Variants in GALNTL6 observed in about 807,000 individuals in gnomAD.
GALNTL6 encodes polypeptide N-acetylgalactosaminyltransferase-like 6.
Under a neutral mutation model 73.7 loss-of-function variants are expected in GALNTL6, and 46 were observed. The observed-to-expected ratio is 0.62, with a 90% CI of 0.49 to 0.80. The LOEUF is 0.80. GALNTL6 is among the 30% of genes least tolerant of loss of function. The pLI, the probability that GALNTL6 is intolerant of heterozygous loss-of-function variation, is 0.00. For missense variants in GALNTL6, 604 were observed against 755.0 expected (o/e 0.80, Z 2.34); for synonymous variants, 259 against 263.7 (o/e 0.98, Z 0.17).
intron 2 of GALNTL6, among the ~76,000 whole-genome samples, chr4:172,042,864 T>TTAAA (rs1331460366): frequency 2.3e-5 from 1 of 44,400 alleles, no homozygotes; most frequent in Non-Finnish European, 3.9e-5. Flanking sequence ...TCTTTAACAG[T>TTAAA]AAAAAAAAAA....
At chr4:172,368,660 C>G (rs1013595607) in intron 5 of GALNTL6, among the ~76,000 whole-genome samples, 1 of 151,898 alleles carries the variant, frequency 6.6e-6, no homozygotes, top group African/African-American at 2.4e-5. Context: ...CGGACCCTTG[C>G]AGTGAGTGTT....
chr4:172,574,935 CACAT>C (rs1163011116), intron 5 of GALNTL6, among the ~76,000 whole-genome samples: 6 of 33,992 alleles, frequency 1.8e-4, no homozygotes, highest in Non-Finnish European at 2.8e-4. Context: ...TACACACGCA[CACAT>C]ACACACACAC....
rs551394777 is a variant in GALNTL6, at chr4:171,830,848, C to A, written c.138+16130C>A. Among the ~76,000 whole-genome samples, 365 of 152,174 alleles carry A rather than the reference C, an allele frequency of 2.4e-3. 1 individual carries two copies. Among genetic ancestry groups the A allele is most frequent in the Non-Finnish European group, 4.1e-3 (279 of 67,978 alleles). ...ATAACCATTGAATTTGCTCTTTCTT[C>A]AATTATGCAATTTCTGTTGTATAAC... On this transcript the variant is annotated intron_variant, in intron 2 of 12. Transcript: ENST00000506823.
At chr4:171,971,959 G>T (rs1290325695) in intron 2 of GALNTL6, among the ~76,000 whole-genome samples, 2 of 152,032 alleles carry the variant, frequency 1.3e-5, no homozygotes. Context: ...CATGTCTGAG[G>T]CTTTAGGGGA....
chr4:172,140,000 C>CT (rs10569662), intron 2 of GALNTL6, among the ~76,000 whole-genome samples: 1,807 of 149,144 alleles, frequency 0.012, 36 homozygotes, highest in African/African-American at 0.041. Flanking sequence ...TTTAAATAGT[C>CT]TTTTTTTTTT....
intron 10 of GALNTL6, among the ~76,000 whole-genome samples, chr4:172,984,547 G>T (rs1432669714): frequency 6.6e-6 from 1 of 152,168 alleles, no homozygotes; most frequent in East Asian, 1.9e-4. Context: ...CTTCTGGAGA[G>T]TTCATAACTT....
intron 10 of GALNTL6, among the ~76,000 whole-genome samples, chr4:172,983,860 G>A (rs1283668675): frequency 2.6e-5 from 4 of 151,892 alleles, no homozygotes; most frequent in Non-Finnish European, 5.9e-5. Flanking sequence ...ACACAATGCC[G>A]AAGCTTATAA....
At chr4:172,470,022 A>G (rs1732987749) in intron 5 of GALNTL6, among the ~76,000 whole-genome samples, 1 of 152,220 alleles carries the variant, frequency 6.6e-6, no homozygotes. Flanking sequence ...ATGGCAGACA[A>G]TAATGAGGAC....
At chr4:172,857,225 CT>C (rs1287366746) in intron 7 of GALNTL6, among the ~76,000 whole-genome samples, 2 of 152,180 alleles carry the variant, frequency 1.3e-5, no homozygotes, top group African/African-American at 4.8e-5. Context: ...TCCCTTGCCC[CT>C]GAAGCCTGGA....
intron 2 of GALNTL6, among the ~76,000 whole-genome samples, chr4:171,993,790 TTA>T (rs891221682): frequency 4.0e-5 from 6 of 151,074 alleles, no homozygotes; most frequent in East Asian, 3.9e-4. Flanking sequence ...GAGAAAGACA[TTA>T]TATATATATA....
chr4:172,210,049 C>A (rs1266868005), intron 2 of GALNTL6, among the ~76,000 whole-genome samples: 1 of 151,952 alleles, frequency 6.6e-6, no homozygotes, highest in Non-Finnish European at 1.5e-5. Context: ...TGACAATAAG[C>A]TATGAATTGC....
chr4:172,483,203 A>G lies in GALNTL6; in HGVS notation c.553+134514A>G, dbSNP rs111894632. The stretch of plus-strand genomic sequence containing the variant: ...AGCACTTACTCAAGTATATAATTCC[A>G]TAAACCAATATAGAGGTTTCAAAAG... On this transcript the variant is annotated intron_variant, in intron 5 of 12. Coordinates refer to ENST00000506823, the MANE Select transcript of GALNTL6 (RefSeq NM_001034845.3). Among the ~76,000 whole-genome samples the G allele has an allele frequency of 2.7e-3, 416 of 152,302 alleles. 3 individuals carry two copies. The highest frequency in any genetic ancestry group is 9.3e-3 in the African/African-American group (385 of 41,548).
At chr4:172,179,811 T>C (rs1735176171) in intron 2 of GALNTL6, among the ~76,000 whole-genome samples, 1 of 152,224 alleles carries the variant, frequency 6.6e-6, no homozygotes, top group African/African-American at 2.4e-5. Flanking sequence ...AAATCTTTAA[T>C]CCATGTGACA....
At chr4:172,390,837 A>G (rs1193560395) in intron 5 of GALNTL6, among the ~76,000 whole-genome samples, 1 of 152,236 alleles carries the variant, frequency 6.6e-6, no homozygotes, top group Non-Finnish European at 1.5e-5. Flanking sequence ...ATGCAAAAAG[A>G]CTTTACATTG....
chr4:171,862,588 G>A (rs1735860762), intron 2 of GALNTL6, among the ~76,000 whole-genome samples: 1 of 151,956 alleles, frequency 6.6e-6, no homozygotes, highest in Admixed American at 6.6e-5. Flanking sequence ...GAATAGACTA[G>A]ACCAAGGCTT....
intron 2 of GALNTL6, among the ~76,000 whole-genome samples, chr4:171,913,026 G>A (rs547092007): frequency 1.2e-4 from 18 of 152,238 alleles, no homozygotes; most frequent in African/African-American, 2.9e-4. Context: ...GTATCTCTTT[G>A]ATGTACTGAT....
intron 2 of GALNTL6, among the ~76,000 whole-genome samples, chr4:172,098,390 T>C (rs867492082): frequency 2.6e-5 from 4 of 151,988 alleles, no homozygotes; most frequent in African/African-American, 9.7e-5. Context: ...GTTGGTGATA[T>C]ATGAGTTGAG....
chr4:173,009,091 TCTTA>T, intron 10 of GALNTL6, 83 bp from the exon 11 acceptor site: 1 of 841,860 alleles, frequency 1.2e-6, no homozygotes, highest in Non-Finnish European at 2.0e-6. Context: ...ATAATCTATG[TCTTA>T]CTTAATCTAC....
At chr4:172,238,669 A>G (rs1171134917) in intron 3 of GALNTL6, among the ~76,000 whole-genome samples, 7 of 152,002 alleles carry the variant, frequency 4.6e-5, no homozygotes, top group Admixed American at 4.6e-4. Flanking sequence ...GGGTATACTT[A>G]TCTTGTGCCA....
Sources: allele counts gnomAD v4.1 joint callset (sites outside exome capture counted in the v4.1 genomes callset), GRCh38; gene constraint gnomAD v4.1.1; transcripts MANE v1.5; gene names NCBI Gene and HGNC (gene_info 2026-07-23, HGNC 2026-07-21).